The following ROBO1 variants were observed in gnomAD, a reference collection of about 807,000 sequenced individuals.
The protein encoded by ROBO1 is roundabout homolog 1.
A neutral mutation model predicts 195.9 loss-of-function variants in ROBO1; 149 were observed. The observed-to-expected ratio is 0.76, with a 90% CI of 0.67 to 0.87. The LOEUF is 0.87. Ranked by LOEUF, ROBO1 falls within the 40% of genes least tolerant of loss-of-function variation. ROBO1 has a pLI of 0.00. For missense variants in ROBO1, 1,933 were observed against 2,068.3 expected (o/e 0.93, Z 1.27); for synonymous variants, 816 against 733.2 (o/e 1.11, Z -1.82).
intron 3 of ROBO1, among the ~76,000 whole-genome samples, chr3:79,046,918 A>G (rs962710335): frequency 2.6e-5 from 4 of 152,148 alleles, no homozygotes; most frequent in Non-Finnish European, 5.9e-5. Flanking sequence ...GCTTTTAATT[A>G]TTGAATTATT....
At position 79,019,495 on chromosome 3, in the gene ROBO1, A is replaced by G. The variant is rs192861209; in HGVS notation, c.173-80568T>C. On this transcript the variant is annotated intron_variant, in intron 3 of 30. Coordinates refer to ENST00000464233, the MANE Select transcript of ROBO1 (RefSeq NM_002941.4). The stretch of plus-strand genomic sequence containing the variant: ...TTCCCCCACAGTCCCCGCGGCTCCC[A>G]GTTCCCTCCCTCTCCTCCCCGGCCC... 3,852 of 986,002 alleles carry G rather than the reference A, an allele frequency of 3.9e-3. 118 individuals are homozygous for G. In the African/African-American group the frequency reaches 0.061, roughly 15 times the overall value. The allele number at this position is 986,002 out of a possible 1,614,324, so 61.1% of individuals were successfully genotyped here. A position where few individuals can be genotyped will look rare whatever the true frequency, so the allele number is the denominator to read the frequency against.
intron 3 of ROBO1, among the ~76,000 whole-genome samples, chr3:78,945,549 T>C (rs532072672): frequency 1.3e-5 from 2 of 151,938 alleles, no homozygotes; most frequent in South Asian, 2.1e-4. Context: ...CAAAGGTAGA[T>C]AAAACCACAA....
chr3:78,636,914 T>C (rs555185932), intron 22 of ROBO1, among the ~76,000 whole-genome samples: 1 of 129,054 alleles, frequency 7.7e-6, no homozygotes, highest in African/African-American at 2.8e-5. Flanking sequence ...TGAATATACA[T>C]ACATAATATA....
intron 29 of ROBO1, among the ~76,000 whole-genome samples, chr3:78,600,513 A>T (rs1703110208): frequency 1.3e-5 from 2 of 152,176 alleles, no homozygotes; most frequent in South Asian, 4.1e-4. Context: ...TCCTGTTAGT[A>T]GTCAGGGATT....
Position 78,626,049 on chromosome 3 carries a change from G to A in ROBO1, c.3875+1272C>T, listed in dbSNP as rs569850398. Among the ~76,000 whole-genome samples, 423 of 152,146 alleles carry A rather than the reference G, an allele frequency of 2.8e-3. 4 individuals carry two copies. The highest frequency in any genetic ancestry group is 9.6e-3 in the African/African-American group (399 of 41,516). On this transcript the variant is annotated intron_variant, in intron 26 of 30. Coordinates refer to ENST00000464233, the MANE Select transcript of ROBO1 (RefSeq NM_002941.4). Reference sequence around the variant, plus strand: ...GGAAGGTGGAAAGGAGGACATAAGAGATACAAAAGAAGAGCTAGCCAGAAA... The same window carrying A: ...GGAAGGTGGAAAGGAGGACATAAGAAATACAAAAGAAGAGCTAGCCAGAAA...
At chr3:79,567,924 T>C (rs983234173) in intron 2 of ROBO1, among the ~76,000 whole-genome samples, 9 of 152,138 alleles carry the variant, frequency 5.9e-5, no homozygotes, top group Admixed American at 2.0e-4. Context: ...CAAATATTGC[T>C]TTCTAAAAAA....
chr3:79,178,225 G>A (rs1330899211), intron 2 of ROBO1, among the ~76,000 whole-genome samples: 1 of 152,140 alleles, frequency 6.6e-6, no homozygotes, highest in Non-Finnish European at 1.5e-5. Flanking sequence ...TTTAGAATAT[G>A]AAAATGTAAT....
At chr3:78,915,716 C>T (rs2038520105) in intron 4 of ROBO1, among the ~76,000 whole-genome samples, 1 of 151,990 alleles carries the variant, frequency 6.6e-6, no homozygotes, top group Non-Finnish European at 1.5e-5. Context: ...TGCTCTGTCA[C>T]CCAGGCTGGA....
At chr3:78,851,553 C>T (rs1041091751) in intron 4 of ROBO1, among the ~76,000 whole-genome samples, 21 of 152,140 alleles carry the variant, frequency 1.4e-4, no homozygotes, top group Non-Finnish European at 1.3e-4. Flanking sequence ...CATTCAATAA[C>T]TGTTAGCTGT....
At chr3:79,291,012 C>T (rs2032210666) in intron 2 of ROBO1, among the ~76,000 whole-genome samples, 1 of 152,154 alleles carries the variant, frequency 6.6e-6, no homozygotes, top group Non-Finnish European at 1.5e-5. Context: ...CCTCAGAGTA[C>T]TAAAAAATGG....
intron 1 of ROBO1, among the ~76,000 whole-genome samples, chr3:79,625,323 A>G (rs2107997211): frequency 6.6e-6 from 1 of 151,410 alleles, no homozygotes; most frequent in Middle Eastern, 3.4e-3. Flanking sequence ...TCCAAAAGCT[A>G]GCAGAAGACA....
intron 2 of ROBO1, among the ~76,000 whole-genome samples, chr3:79,373,266 A>C (rs1268227969): frequency 6.6e-6 from 1 of 151,984 alleles, no homozygotes; most frequent in Non-Finnish European, 1.5e-5. Flanking sequence ...TTTCATTGTT[A>C]ATATGTAAAA....
chr3:79,066,057 C>T (rs1468801502), intron 3 of ROBO1, among the ~76,000 whole-genome samples: 1 of 151,882 alleles, frequency 6.6e-6, no homozygotes, highest in Non-Finnish European at 1.5e-5. Context: ...TTAATCAGTC[C>T]ATTGAATCCA....
intron 3 of ROBO1, among the ~76,000 whole-genome samples, chr3:79,023,696 GTTTTTTTTTTTTTTTT>G (rs869056050): frequency 1.0e-4 from 7 of 68,958 alleles, no homozygotes; most frequent in African/African-American, 4.4e-4. Flanking sequence ...TTGAGACAGA[GTTTTTTTTTTTTTTTT>G]TTTTTTTTTG....
At chr3:79,680,461 T>C (rs1946911159) in intron 1 of ROBO1, among the ~76,000 whole-genome samples, 2 of 151,980 alleles carry the variant, frequency 1.3e-5, no homozygotes, top group Admixed American at 6.6e-5. Context: ...GTGGTATGAG[T>C]TACTGGATGG....
At chr3:79,245,488 G>C (rs190640645) in intron 2 of ROBO1, among the ~76,000 whole-genome samples, 123 of 152,022 alleles carry the variant, frequency 8.1e-4, no homozygotes, top group African/African-American at 2.9e-3. Context: ...CTCTTACTTG[G>C]TTAAGCAACC....
chr3:78,756,176 A>G (rs1024156166), intron 4 of ROBO1, among the ~76,000 whole-genome samples: 2 of 152,176 alleles, frequency 1.3e-5, no homozygotes, highest in Non-Finnish European at 2.9e-5. Flanking sequence ...CTGTGATGGT[A>G]ACACTAAGCA....
At chr3:79,119,429 A>G (rs2080075103) in intron 3 of ROBO1, among the ~76,000 whole-genome samples, 1 of 152,116 alleles carries the variant, frequency 6.6e-6, no homozygotes, top group East Asian at 1.9e-4. Context: ...CATGAATTTA[A>G]CCCACGATGC....
intron 2 of ROBO1, among the ~76,000 whole-genome samples, chr3:79,571,164 A>G (rs1216658591): frequency 6.6e-6 from 1 of 152,238 alleles, no homozygotes. Context: ...GCCATTATTC[A>G]GAAGATTAGA....
Sources: gnomAD v4.1 joint callset for allele counts (sites outside exome capture counted in the v4.1 genomes callset) on GRCh38, gnomAD v4.1.1 for gene constraint, MANE v1.5 for transcripts, NCBI Gene and HGNC (gene_info 2026-07-23, HGNC 2026-07-21) for gene names.